The following TBXAS1 variants were observed in gnomAD, a reference collection of about 807,000 sequenced individuals.
TBXAS1 encodes thromboxane-A synthase.
Under a neutral mutation model 60.7 loss-of-function variants are expected in TBXAS1, and 48 were observed. That is an observed-to-expected ratio of 0.79 (90% CI 0.63 to 1.01). The LOEUF (loss-of-function observed/expected upper bound fraction) is 1.01, where lower values mean the gene tolerates loss of function less well. Ranked by LOEUF, TBXAS1 falls within the 50% of genes least tolerant of loss-of-function variation. The pLI is 0.00. For missense variants in TBXAS1, 685 were observed against 686.3 expected (o/e 1.00, Z 0.02); for synonymous variants, 287 against 269.7 (o/e 1.06, Z -0.63).
At chr7:139,924,174 G>A (rs1338793469) in intron 4 of TBXAS1, among the ~76,000 whole-genome samples, 1 of 152,148 alleles carries the variant, frequency 6.6e-6, no homozygotes, top group African/African-American at 2.4e-5. Flanking sequence ...TGGGATTACT[G>A]GATCATATGG....
intron 12 of TBXAS1, among the ~76,000 whole-genome samples, chr7:140,018,508 G>A (rs1815279905): frequency 6.6e-6 from 1 of 151,964 alleles, no homozygotes; most frequent in Non-Finnish European, 1.5e-5. Flanking sequence ...CTCACCCAGA[G>A]AGCTGAGCTC....
chr7:139,931,563 T>G (rs900344071), intron 4 of TBXAS1, among the ~76,000 whole-genome samples: 1 of 152,036 alleles, frequency 6.6e-6, no homozygotes, highest in Non-Finnish European at 1.5e-5. Context: ...TGGCAGAAGG[T>G]GAAAGGCACG....
At chr7:139,835,140 C>T (rs186970321) in intron 1 of TBXAS1, among the ~76,000 whole-genome samples, 14,157 of 150,644 alleles carry the variant, frequency 0.094, 772 homozygotes, top group Non-Finnish European at 0.13. Flanking sequence ...GATCTCGGCT[C>T]ACTGCAAGCT....
intron 4 of TBXAS1, among the ~76,000 whole-genome samples, chr7:139,806,855 C>T (rs1039638024): frequency 6.6e-6 from 1 of 152,180 alleles, no homozygotes; most frequent in African/African-American, 2.4e-5. Flanking sequence ...CTAAAGCTTT[C>T]ACCGCCATCC....
At chr7:139,982,669 A>G (rs1473055241) in intron 9 of TBXAS1, among the ~76,000 whole-genome samples, 1 of 152,122 alleles carries the variant, frequency 6.6e-6, no homozygotes, top group African/African-American at 2.4e-5. Context: ...AGTTGATTTC[A>G]TTTCTTTAAA....
chr7:139,950,704 A>AT (rs1206751787), intron 5 of TBXAS1, among the ~76,000 whole-genome samples: 4 of 134,908 alleles, frequency 3.0e-5, no homozygotes, highest in Non-Finnish European at 6.6e-5. Flanking sequence ...CATCTACGGG[A>AT]CCCCCTCGCC....
intron 9 of TBXAS1, among the ~76,000 whole-genome samples, chr7:140,003,049 A>G (rs919070749): frequency 2.7e-5 from 4 of 147,550 alleles, no homozygotes; most frequent in East Asian, 4.3e-4. Flanking sequence ...GCTTGAACCC[A>G]GGAGGCAGAG....
intron 3 of TBXAS1, among the ~76,000 whole-genome samples, chr7:139,881,808 C>T (rs1802719803): frequency 1.3e-5 from 2 of 152,050 alleles, no homozygotes; most frequent in South Asian, 4.2e-4. Context: ...AAGTTCACAC[C>T]ACAGGAGGGG....
chr7:139,887,901 A>T (rs1283890401), intron 3 of TBXAS1, among the ~76,000 whole-genome samples: 1 of 152,152 alleles, frequency 6.6e-6, no homozygotes, highest in Non-Finnish European at 1.5e-5. Flanking sequence ...TCTTATAGCA[A>T]TGCTTTGTTG....
At chr7:139,990,527 C>T (rs1812812474) in intron 9 of TBXAS1, among the ~76,000 whole-genome samples, 3 of 152,142 alleles carry the variant, frequency 2.0e-5, no homozygotes. Context: ...ACCCTCCTGT[C>T]CTCCAGGGAC....
chr7:139,942,809 A>C lies in TBXAS1; in HGVS notation c.450+6502A>C, dbSNP rs114031951. Among the ~76,000 whole-genome samples the C allele has an allele frequency of 3.3e-3, 510 of 152,306 alleles. 4 individuals carry two copies. The highest frequency in any genetic ancestry group is 0.012 in the African/African-American group (493 of 41,552). Reference sequence around the variant, plus strand: ...GCCTAATTTTTCACTTTTCATCCAGATGTTCCCCGTCAAGAAGGCACAGTC... The same window carrying C: ...GCCTAATTTTTCACTTTTCATCCAGCTGTTCCCCGTCAAGAAGGCACAGTC... On this transcript the variant is annotated intron_variant, in intron 5 of 12. Coordinates refer to ENST00000448866, the MANE Select transcript of TBXAS1 (RefSeq NM_001061.7).
intron 4 of TBXAS1, chr7:139,789,242 T>TCTC (rs1797301440): frequency 7.1e-6 from 1 of 140,912 alleles, no homozygotes; most frequent in African/African-American, 3.0e-5. Context: ...CTCTCTCTCT[T>TCTC]TCTTTCTCCC....
chr7:139,953,195 A>T (rs1202345561), intron 5 of TBXAS1, among the ~76,000 whole-genome samples, 173 bp from the exon 6 acceptor site: 1 of 152,236 alleles, frequency 6.6e-6, no homozygotes, highest in African/African-American at 2.4e-5. Flanking sequence ...ATTGTATTTT[A>T]TGAATATTTG....
At chr7:139,932,921 G>A (rs1361231368) in intron 4 of TBXAS1, among the ~76,000 whole-genome samples, 1 of 152,088 alleles carries the variant, frequency 6.6e-6, no homozygotes, top group Non-Finnish European at 1.5e-5. Context: ...AGCTGACATG[G>A]TGGCATGTAC....
chr7:139,784,002 G>GT (rs1164338968), intron 3 of TBXAS1, among the ~76,000 whole-genome samples: 105 of 98,838 alleles, frequency 1.1e-3, no homozygotes, highest in Middle Eastern at 0.012. Flanking sequence ...TGCTTGTTTA[G>GT]TTTTTTTTGT....
At chr7:139,877,702 T>C (rs145820799) in intron 3 of TBXAS1, among the ~76,000 whole-genome samples, 2,311 of 149,616 alleles carry the variant, frequency 0.015, 34 homozygotes, top group African/African-American at 0.034. Flanking sequence ...GGATTACAAG[T>C]ATGAGCCACT....
chr7:139,963,965 T>C (rs1303274975), intron 9 of TBXAS1, among the ~76,000 whole-genome samples: 2 of 152,136 alleles, frequency 1.3e-5, no homozygotes, highest in African/African-American at 4.8e-5. Context: ...CTGTCAAGAG[T>C]GTCTGGGACT....
chr7:139,937,727 G>A (rs1169365104), intron 5 of TBXAS1, among the ~76,000 whole-genome samples: 1 of 152,174 alleles, frequency 6.6e-6, no homozygotes, highest in Non-Finnish European at 1.5e-5. Context: ...TAAGTAGCGT[G>A]CTCCAAGTCT....
chr7:139,949,666 A>G (rs1809040311), intron 5 of TBXAS1, among the ~76,000 whole-genome samples: 1 of 152,250 alleles, frequency 6.6e-6, no homozygotes, highest in Non-Finnish European at 1.5e-5. Flanking sequence ...GCATCAACAC[A>G]GAGATACTAA....
Sources: allele counts gnomAD v4.1 joint callset (sites outside exome capture counted in the v4.1 genomes callset), GRCh38; gene constraint gnomAD v4.1.1; transcripts MANE v1.5; gene names NCBI Gene and HGNC (gene_info 2026-07-23, HGNC 2026-07-21).